The following DAB1 variants were observed in gnomAD, a reference collection of about 807,000 sequenced individuals.
DAB1 encodes the protein DAB adaptor protein 1.
Under a neutral mutation model 64.6 loss-of-function variants are expected in DAB1, and 15 were observed. The observed-to-expected ratio is 0.23, with a 90% CI of 0.16 to 0.36. The LOEUF (loss-of-function observed/expected upper bound fraction) is 0.36, where lower values mean the gene tolerates loss of function less well. Ranked by LOEUF, DAB1 falls within the 10% of genes least tolerant of loss-of-function variation. DAB1 has a pLI of 1.00. For synonymous variants in DAB1, 235 were observed against 251.9 expected (o/e 0.93, Z 0.64); for missense variants, 596 against 706.7 (o/e 0.84, Z 1.78).
intron 4 of DAB1, among the ~76,000 whole-genome samples, chr1:57,103,294 G>A (rs1188990140): frequency 1.3e-5 from 2 of 152,164 alleles, no homozygotes; most frequent in Non-Finnish European, 2.9e-5. Context: ...CGTCACTGCA[G>A]ATGTGTTCTC....
intron 6 of DAB1, among the ~76,000 whole-genome samples, chr1:57,756,135 G>A (rs960341265): frequency 7.2e-5 from 11 of 152,084 alleles, no homozygotes; most frequent in African/African-American, 2.7e-4. Context: ...GTCATCTCCC[G>A]ATTTCTTTTA....
intron 3 of DAB1, among the ~76,000 whole-genome samples, chr1:57,140,449 A>G (rs1329643376): frequency 6.6e-6 from 1 of 152,156 alleles, no homozygotes; most frequent in Non-Finnish European, 1.5e-5. Flanking sequence ...TTCTCAAGGT[A>G]GGAATCCTTC....
chr1:57,874,792 A>T (rs893635505), intron 1 of DAB1, among the ~76,000 whole-genome samples: 25 of 152,258 alleles, frequency 1.6e-4, no homozygotes, highest in African/African-American at 5.8e-4. Context: ...AAACTGCACC[A>T]CTAGCAAACA....
chr1:57,489,537 G>T (rs1054474262), intron 7 of DAB1, among the ~76,000 whole-genome samples: 2 of 152,108 alleles, frequency 1.3e-5, no homozygotes, highest in Non-Finnish European at 2.9e-5. Flanking sequence ...TGCTCACAAA[G>T]CCTCCCTCAA....
At chr1:58,233,715 G>A (rs1245717777) in intron 4 of DAB1, among the ~76,000 whole-genome samples, 3 of 152,150 alleles carry the variant, frequency 2.0e-5, no homozygotes, top group Non-Finnish European at 4.4e-5. Flanking sequence ...GAGTCCAGAA[G>A]GTCTGACTCC....
intron 5 of DAB1, among the ~76,000 whole-genome samples, chr1:58,029,919 G>T (rs1189650667): frequency 6.6e-6 from 1 of 152,110 alleles, no homozygotes; most frequent in African/African-American, 2.4e-5. Context: ...CAAAAAGTAT[G>T]AATCGTCCAG....
intron 1 of DAB1, among the ~76,000 whole-genome samples, chr1:57,873,091 A>G (rs1273745768): frequency 1.3e-5 from 2 of 152,106 alleles, no homozygotes; most frequent in Non-Finnish European, 2.9e-5. Flanking sequence ...TTCCTAAGTA[A>G]AGGAATCTAA....
chr1:57,907,668 G>T (rs139819258), intron 5 of DAB1, among the ~76,000 whole-genome samples: 113 of 152,146 alleles, frequency 7.4e-4, no homozygotes, highest in Non-Finnish European at 1.2e-3. Context: ...CAATTAGTTG[G>T]CAGCATCAGT....
At chr1:58,220,158 A>G (rs1659082051) in intron 4 of DAB1, among the ~76,000 whole-genome samples, 1 of 152,242 alleles carries the variant, frequency 6.6e-6, no homozygotes, top group South Asian at 2.1e-4. Context: ...ACTTTTTGTC[A>G]TTGGGGGCCT....
chr1:57,399,095 CT>C (rs112753307), intron 1 of DAB1, among the ~76,000 whole-genome samples: 5,767 of 151,810 alleles, frequency 0.038, 339 homozygotes, highest in African/African-American at 0.12. Context: ...AGTTGAGGAA[CT>C]TTTTTTTTCT....
chr1:58,086,429 T>C (rs1464599795), intron 5 of DAB1, among the ~76,000 whole-genome samples: 1 of 152,126 alleles, frequency 6.6e-6, no homozygotes, highest in Non-Finnish European at 1.5e-5. Flanking sequence ...AGCACCCTAC[T>C]GAGATTTTCC....
chr1:57,715,549 G>C (rs994667589), intron 6 of DAB1, among the ~76,000 whole-genome samples: 1 of 152,136 alleles, frequency 6.6e-6, no homozygotes, highest in African/African-American at 2.4e-5. Flanking sequence ...AAACTCTGAA[G>C]ACTCCACCAA....
At chr1:58,182,988 T>C (rs916871426) in intron 4 of DAB1, among the ~76,000 whole-genome samples, 2 of 152,144 alleles carry the variant, frequency 1.3e-5, no homozygotes, top group Admixed American at 6.6e-5. Flanking sequence ...TGTTGTTTTG[T>C]TCAGTGACTT....
At chr1:57,150,506 G>C (rs1659555036) in intron 2 of DAB1, among the ~76,000 whole-genome samples, 1 of 152,154 alleles carries the variant, frequency 6.6e-6, no homozygotes, top group Non-Finnish European at 1.5e-5. Flanking sequence ...TGAGCAAAAA[G>C]TGTCCTTTCT....
intron 3 of DAB1, among the ~76,000 whole-genome samples, chr1:58,489,349 C>A (rs2100369157): frequency 6.6e-6 from 1 of 152,368 alleles, no homozygotes; most frequent in East Asian, 1.9e-4. Context: ...TCATTACTAG[C>A]ACAGCAGTCT....
chr1:57,469,106 T>C (rs1320129755), intron 7 of DAB1, among the ~76,000 whole-genome samples: 3 of 152,136 alleles, frequency 2.0e-5, no homozygotes, highest in Non-Finnish European at 4.4e-5. Flanking sequence ...GGCTCAGCAA[T>C]GTGGTAAAAT....
intron 11 of DAB1, among the ~76,000 whole-genome samples, chr1:57,018,367 C>T (rs1646501384): frequency 6.6e-6 from 1 of 152,144 alleles, no homozygotes; most frequent in East Asian, 1.9e-4. Context: ...ATACATCTGA[C>T]TCTTATGTCT....
chr1:58,320,394 C>G (rs1250735896), intron 4 of DAB1, among the ~76,000 whole-genome samples: 1 of 152,228 alleles, frequency 6.6e-6, no homozygotes, highest in African/African-American at 2.4e-5. Flanking sequence ...TATGTGTATA[C>G]ACTCCTTTTC....
At chr1:57,824,079 G>C (rs1250574976), downstream of DAB1, among the ~76,000 whole-genome samples, 1 of 152,164 alleles carries the variant, frequency 6.6e-6, no homozygotes, top group Non-Finnish European at 1.5e-5. Context: ...ACAGTTCTAA[G>C]CATTTCTGTC....
Sources: allele counts gnomAD v4.1 joint callset (sites outside exome capture counted in the v4.1 genomes callset), GRCh38; gene constraint gnomAD v4.1.1; transcripts MANE v1.5; gene names NCBI Gene and HGNC (gene_info 2026-07-23, HGNC 2026-07-21).